TENM2: variants seen among roughly 807,000 people sequenced by gnomAD.
TENM2 encodes the protein teneurin transmembrane protein 2.
In TENM2, 52 loss-of-function variants were observed where a neutral mutation model predicts 245.2. That is an observed-to-expected ratio of 0.21 (90% confidence interval 0.17 to 0.27). The LOEUF (loss-of-function observed/expected upper bound fraction) is 0.27, where lower values mean the gene tolerates loss of function less well. Among genes scored for constraint, TENM2 ranks in the 10% least tolerant of loss-of-function variants. The pLI is 1.00. For missense variants in TENM2, 3,046 were observed against 3,666.8 expected (o/e 0.83, Z 4.37); for synonymous variants, 1,363 against 1,438.9 (o/e 0.95, Z 1.19).
At chr5:167,358,803 GCACACACACACACACACACACA>G (rs58530155) in intron 1 of TENM2, among the ~76,000 whole-genome samples, 229 of 143,920 alleles carry the variant, frequency 1.6e-3, no homozygotes, top group African/African-American at 5.0e-3. Context: ...ATTCTGATCT[GCACACACACACACACACACACA>G]CACACACACA....
chr5:168,065,663 A>C (rs916358143), intron 7 of TENM2, among the ~76,000 whole-genome samples: 1 of 152,098 alleles, frequency 6.6e-6, no homozygotes, highest in African/African-American at 2.4e-5. Context: ...TCTTCTTTCT[A>C]AAGAAAAAAC....
intron 2 of TENM2, among the ~76,000 whole-genome samples, chr5:167,539,426 A>G (rs938181050): frequency 6.6e-6 from 1 of 152,112 alleles, no homozygotes; most frequent in Non-Finnish European, 1.5e-5. Flanking sequence ...AACCAGTAAA[A>G]GTGCTTATTG....
chr5:167,348,941 G>T (rs1407414041), intron 1 of TENM2, among the ~76,000 whole-genome samples: 1 of 152,144 alleles, frequency 6.6e-6, no homozygotes, highest in Non-Finnish European at 1.5e-5. Context: ...TTGTTTGCTG[G>T]TTTTTACAGG....
the TENM2 span, among the ~76,000 whole-genome samples, chr5:167,025,592 G>A: frequency 6.6e-6 from 1 of 152,068 alleles, no homozygotes; most frequent in African/African-American, 2.4e-5. Flanking sequence ...AACACTAGAC[G>A]GTAAGTGTAA....
At chr5:167,023,911 A>G in the TENM2 span, among the ~76,000 whole-genome samples, 2 of 152,330 alleles carry the variant, frequency 1.3e-5, no homozygotes, top group South Asian at 2.1e-4. Context: ...CTTTACTTAT[A>G]AAAGCAAATT....
the TENM2 span, among the ~76,000 whole-genome samples, chr5:167,104,175 G>C: frequency 6.6e-6 from 1 of 151,814 alleles, no homozygotes; most frequent in Non-Finnish European, 1.5e-5. Context: ...TTGAAGGCAA[G>C]ACTGTGGCTG....
chr5:167,617,921 A>G (rs529821077), intron 2 of TENM2, among the ~76,000 whole-genome samples: 2 of 152,262 alleles, frequency 1.3e-5, no homozygotes, highest in Non-Finnish European at 2.9e-5. Flanking sequence ...GCAAGATGGG[A>G]CCCAGTGATG....
chr5:167,060,882 C>T, the TENM2 span, among the ~76,000 whole-genome samples: 2 of 151,924 alleles, frequency 1.3e-5, no homozygotes. Context: ...GCATATTGGA[C>T]ATCACAGGTA....
intron 2 of TENM2, among the ~76,000 whole-genome samples, chr5:167,483,050 C>T (rs1767851859): frequency 6.6e-6 from 1 of 152,172 alleles, no homozygotes; most frequent in African/African-American, 2.4e-5. Flanking sequence ...ATGGTATTTA[C>T]GTCCTTGACC....
At chr5:168,065,952 C>T (rs1790467423) in intron 7 of TENM2, among the ~76,000 whole-genome samples, 1 of 151,740 alleles carries the variant, frequency 6.6e-6, no homozygotes, top group Non-Finnish European at 1.5e-5. Context: ...TTTTACAACG[C>T]CTGGAAATAG....
At position 168,078,547 on chromosome 5, in the gene TENM2, G is replaced by T. The variant is rs979340693; in HGVS notation, c.1516-12027G>T. Among the ~76,000 whole-genome samples, 3 of 152,116 alleles carry T rather than the reference G, an allele frequency of 2.0e-5. No homozygotes were observed. The East Asian group carries it at 5.8e-4, about 29-fold the overall frequency. ...GGTATTGCCTAGGTTTTCTTCTAGGGTTTTTATGGTTTTAGGTCTAATATT... is the reference window on the plus strand; with the variant it reads ...GGTATTGCCTAGGTTTTCTTCTAGGTTTTTTATGGTTTTAGGTCTAATATT... On this transcript the variant is annotated intron_variant, in intron 7 of 28. Coordinates refer to ENST00000518659, the Ensembl canonical transcript of TENM2.
At chr5:167,913,654 T>C (rs1561927751) in intron 3 of TENM2, among the ~76,000 whole-genome samples, 1 of 152,180 alleles carries the variant, frequency 6.6e-6, no homozygotes, top group Non-Finnish European at 1.5e-5. Flanking sequence ...ACATTTCCTC[T>C]CCTGATGCTT....
chr5:167,224,103 A>T, the TENM2 span, among the ~76,000 whole-genome samples: 3 of 152,054 alleles, frequency 2.0e-5, no homozygotes, highest in African/African-American at 7.2e-5. Context: ...TCCCTGTTGG[A>T]TGAGTAGTTC....
At chr5:167,618,875 C>A (rs1777971090) in intron 2 of TENM2, among the ~76,000 whole-genome samples, 1 of 152,216 alleles carries the variant, frequency 6.6e-6, no homozygotes, top group Non-Finnish European at 1.5e-5. Flanking sequence ...AGTTTCTATA[C>A]TAGGAGTCCT....
intron 4 of TENM2, among the ~76,000 whole-genome samples, chr5:167,972,677 G>A (rs755236986): frequency 7.9e-5 from 12 of 151,980 alleles, no homozygotes; most frequent in Non-Finnish European, 1.6e-4. Flanking sequence ...CAAATGTTAC[G>A]ATCTCTCTTT....
In TENM2 at chr5:168,223,470, C is replaced by CTTTT. The variant is rs34029248; in HGVS notation, c.5109-2605_5109-2602dup. Among the ~76,000 whole-genome samples, 200 of 137,036 alleles carry CTTTT rather than the reference C, an allele frequency of 1.5e-3. 4 individuals carry two copies. Among genetic ancestry groups the CTTTT allele is most frequent in the African/African-American group, 5.3e-3 (192 of 36,260 alleles). 89.9% of individuals were successfully genotyped at this position (137,036 alleles called of 152,430 possible). On this transcript the variant is annotated intron_variant, in intron 23 of 28. Coordinates refer to ENST00000518659, the Ensembl canonical transcript of TENM2. ...TGAAAGTATTGATTACAAGTAATTT[C>CTTTT]TTTTTTTTTTTTTTTTGAGACGGAG...
intron 1 of TENM2, among the ~76,000 whole-genome samples, chr5:167,354,124 C>T (rs1341588674): frequency 6.6e-6 from 1 of 152,172 alleles, no homozygotes; most frequent in Non-Finnish European, 1.5e-5. Flanking sequence ...ACACTAGATC[C>T]TGGGTTTACA....
At chr5:167,817,609 G>C (rs1476201543) in intron 2 of TENM2, among the ~76,000 whole-genome samples, 2 of 152,040 alleles carry the variant, frequency 1.3e-5, no homozygotes, top group African/African-American at 4.8e-5. Flanking sequence ...CTACAAAGTA[G>C]GACCTTAAAA....
the TENM2 span, among the ~76,000 whole-genome samples, chr5:167,014,991 A>G: frequency 1.8e-4 from 28 of 152,230 alleles, no homozygotes; most frequent in Non-Finnish European, 4.0e-4. Context: ...AAAAATTTAT[A>G]TAAACCATCA....
Sources: allele counts gnomAD v4.1 joint callset (sites outside exome capture counted in the v4.1 genomes callset), GRCh38; gene constraint gnomAD v4.1.1; transcripts MANE v1.5; gene names NCBI Gene and HGNC (gene_info 2026-07-23, HGNC 2026-07-21).